ANKIB1: variants seen among roughly 807,000 people sequenced by gnomAD.
ANKIB1 encodes ankyrin repeat and IBR domain-containing protein 1.
A neutral mutation model predicts 122.1 loss-of-function variants in ANKIB1; 43 were observed. The observed-to-expected ratio is 0.35, with a 90% CI of 0.28 to 0.45. The LOEUF is 0.45. ANKIB1 is among the 20% of genes least tolerant of loss of function. ANKIB1 has a pLI of 1.00. For synonymous variants in ANKIB1, 390 were observed against 442.0 expected, an observed-to-expected ratio of 0.88 and a Z score of 1.48; for missense variants, 992 against 1,329.5, an observed-to-expected ratio of 0.75 and a Z score of 3.95.
intron 9 of ANKIB1, among the ~76,000 whole-genome samples, chr7:92,356,515 A>T (rs887554980): frequency 2.6e-5 from 4 of 152,206 alleles, no homozygotes; most frequent in African/African-American, 9.6e-5. Flanking sequence ...GCAGAGTAGC[A>T]CATCTGCATA....
intron 5 of ANKIB1, among the ~76,000 whole-genome samples, chr7:92,333,571 G>A (rs1803223767): frequency 6.6e-6 from 1 of 152,016 alleles, no homozygotes; most frequent in Admixed American, 6.6e-5. Flanking sequence ...TTCTGACAGT[G>A]GTGATTTTTT....
chr7:92,368,988 A>G (rs897878513), intron 10 of ANKIB1, among the ~76,000 whole-genome samples: 1 of 152,222 alleles, frequency 6.6e-6, no homozygotes, highest in Non-Finnish European at 1.5e-5. Context: ...ACAATGGACA[A>G]TAAGAGTCAT....
intron 3 of ANKIB1, among the ~76,000 whole-genome samples, chr7:92,315,057 T>C (rs540394287): frequency 6.6e-6 from 1 of 152,226 alleles, no homozygotes; most frequent in Admixed American, 6.5e-5. Context: ...ATGTTTAATA[T>C]TGACAATAGT....
At chr7:92,363,415 A>C (rs1803997766) in intron 10 of ANKIB1, among the ~76,000 whole-genome samples, 1 of 152,190 alleles carries the variant, frequency 6.6e-6, no homozygotes. Flanking sequence ...GTCTCAAAAA[A>C]AGAAAAAAAA....
chr7:92,316,241 G>A (rs547633165), intron 3 of ANKIB1, among the ~76,000 whole-genome samples: 54 of 152,172 alleles, frequency 3.5e-4, no homozygotes, highest in African/African-American at 1.1e-3. Flanking sequence ...AGATGCTTTG[G>A]TTGAAGCATT....
chr7:92,353,385 G>A (rs1430032725), intron 9 of ANKIB1, among the ~76,000 whole-genome samples: 1 of 152,126 alleles, frequency 6.6e-6, no homozygotes, highest in African/African-American at 2.4e-5. Flanking sequence ...GACTATATAT[G>A]TGTCAGCCAT....
intron 3 of ANKIB1, among the ~76,000 whole-genome samples, chr7:92,312,221 C>T (rs962958964): frequency 1.3e-5 from 2 of 152,120 alleles, no homozygotes; most frequent in Non-Finnish European, 2.9e-5. Flanking sequence ...TTTTTCAGAA[C>T]TTCCTTACAC....
chr7:92,364,073 C>T (rs531581794), intron 10 of ANKIB1, among the ~76,000 whole-genome samples: 31 of 151,852 alleles, frequency 2.0e-4, no homozygotes, highest in Admixed American at 6.6e-5. Flanking sequence ...TTTGGGAGGC[C>T]GAGGCAGGTG....
chr7:92,381,137 A>G (rs922522763), intron 11 of ANKIB1, among the ~76,000 whole-genome samples: 4 of 152,244 alleles, frequency 2.6e-5, no homozygotes. Context: ...AAGAAAAGGT[A>G]TCAGTGATTG....
Position 92,389,602 on chromosome 7 carries a change from G to A in ANKIB1, c.1907-369G>A, listed in dbSNP as rs368340947. Among the ~76,000 whole-genome samples, 12 of 152,140 alleles carry A rather than the reference G, an allele frequency of 7.9e-5. 2 individuals carry two copies. Among genetic ancestry groups the A allele is most frequent in the East Asian group, 3.9e-4 (2 of 5,178 alleles). On this transcript the variant is annotated intron_variant, in intron 14 of 19. Transcript: ENST00000265742. Reference sequence around the variant, plus strand: ...GCATTTGTTCTCATTCTTAACCAGGGAAATTCTGCTAGGGATAATCTGAAA... The same window carrying A: ...GCATTTGTTCTCATTCTTAACCAGGAAAATTCTGCTAGGGATAATCTGAAA...
chr7:92,398,539 A>G lies in ANKIB1; in HGVS notation c.2860A>G (p.Ser954Gly), dbSNP rs201087382. 282 of 1,613,992 alleles carry G rather than the reference A, an allele frequency of 1.7e-4. 1 individual carries two copies. In the Middle Eastern group the frequency reaches 2.5e-3, roughly 14 times the overall value. Residue 954 changes from serine (S) to glycine (G), a missense_variant, in exon 20 of 20, where the codon AGT becomes GGT. Transcript: ENST00000265742. Reference protein sequence around the residue: ...EARSDFCPSSSDPDSAGQDPN... With the variant: ...EARSDFCPSSGDPDSAGQDPN... ...AAGAAGTGATTTCTGTCCCTCATCT[A>G]GTGATCCTGACTCAGCTGGCCAGGA...
intron 5 of ANKIB1, among the ~76,000 whole-genome samples, chr7:92,333,860 A>G (rs1346263500): frequency 1.3e-5 from 2 of 152,178 alleles, no homozygotes; most frequent in East Asian, 3.8e-4. Flanking sequence ...TACTTTTATT[A>G]AAAAGTAGCA....
Position 92,325,494 on chromosome 7 carries a change from C to T in ANKIB1, c.670-2289C>T, listed in dbSNP as rs554918109. Among the ~76,000 whole-genome samples the T allele has an allele frequency of 1.8e-4, 27 of 152,308 alleles. No individual in the cohort carries two copies. In the East Asian group the frequency reaches 5.0e-3, roughly 28 times the overall value. ...TTCCTGGCTATTTTTTCCACCCTCC[C>T]TCCCAAGCTAAGCTCATGGATCAGC... On this transcript the variant is annotated intron_variant, in intron 4 of 19. Transcript: ENST00000265742.
chr7:92,309,942 A>AAAAAAAAAAAAAAAAAAAT (rs1335765681), intron 3 of ANKIB1, among the ~76,000 whole-genome samples: 1 of 91,792 alleles, frequency 1.1e-5, no homozygotes, highest in Non-Finnish European at 2.0e-5. Context: ...AAAAAAAAAA[A>AAAAAAAAAAAAAAAAAAAT]ATATATATAT....
At chr7:92,364,479 A>C (rs544226466) in intron 10 of ANKIB1, among the ~76,000 whole-genome samples, 2 of 152,278 alleles carry the variant, frequency 1.3e-5, no homozygotes, top group South Asian at 4.1e-4. Context: ...ATTACCCTGC[A>C]GCACCTTTAG....
chr7:92,371,587 A>G lies in ANKIB1; in HGVS notation c.1597A>G (p.Asn533Asp). 1 of 1,604,024 alleles carries G rather than the reference A, an allele frequency of 6.2e-7. No homozygotes were observed. Among genetic ancestry groups the G allele is most frequent in the Non-Finnish European group, 8.5e-7 (1 of 1,174,858 alleles). Residue 533 changes from asparagine to aspartate, a missense_variant, in exon 11 of 20, where the codon AAT becomes GAT. This residue lies in a region of ANKIB1 where 521 missense variants were observed against 777.7 expected (regional missense o/e 0.67). Coordinates refer to ENST00000265742, the MANE Select transcript of ANKIB1 (RefSeq NM_019004.2). ...KSPIQKNEGCNHMQCAKCKYD... is the reference protein window; with the variant it reads ...KSPIQKNEGCDHMQCAKCKYD... ...TCCAATACAGAAGAATGAAGGCTGCAATCACATGCAGTGTGCTAAGGTAAG... is the reference window on the plus strand; with the variant it reads ...TCCAATACAGAAGAATGAAGGCTGCGATCACATGCAGTGTGCTAAGGTAAG...
chr7:92,325,717 A>C (rs1803012766), intron 4 of ANKIB1, among the ~76,000 whole-genome samples: 1 of 152,046 alleles, frequency 6.6e-6, no homozygotes, highest in Non-Finnish European at 1.5e-5. Context: ...AAAAACAAAT[A>C]CTTTCATAAC....
chr7:92,347,667 C>G (rs1382310132), intron 7 of ANKIB1, among the ~76,000 whole-genome samples: 3 of 152,146 alleles, frequency 2.0e-5, no homozygotes, highest in Non-Finnish European at 4.4e-5. Flanking sequence ...TCTAGCCAGA[C>G]TAGAATTTCT....
intron 6 of ANKIB1, among the ~76,000 whole-genome samples, chr7:92,344,204 T>G (rs1260835410): frequency 1.4e-4 from 9 of 63,028 alleles, no homozygotes; most frequent in Admixed American, 3.2e-4. Flanking sequence ...TTTTTTTTTT[T>G]TTTTTTTTTT....
Sources: gnomAD v4.1 joint callset for allele counts (sites outside exome capture counted in the v4.1 genomes callset) on GRCh38, gnomAD v4.1.1 for gene constraint, gnomAD v4.1.1 regional missense constraint, MANE v1.5 for transcripts, NCBI Gene and HGNC (gene_info 2026-07-23, HGNC 2026-07-21) for gene names.